The following CNTNAP2 variants were observed in gnomAD, a reference collection of about 807,000 sequenced individuals.
CNTNAP2 encodes contactin-associated protein-like 2.
Under a neutral mutation model 155.2 loss-of-function variants are expected in CNTNAP2, and 98 were observed. The ratio of observed to expected loss-of-function variants is 0.63; its 90% CI spans 0.54 to 0.75. The LOEUF is 0.75. Ranked by LOEUF, CNTNAP2 falls within the 30% of genes least tolerant of loss-of-function variation. The pLI is 0.00. For missense variants in CNTNAP2, 1,727 were observed against 1,688.1 expected (o/e 1.02, Z -0.40); for synonymous variants, 651 against 631.2 (o/e 1.03, Z -0.47).
At chr7:147,817,344 A>G (rs1798282581) in intron 13 of CNTNAP2, among the ~76,000 whole-genome samples, 1 of 152,252 alleles carries the variant, frequency 6.6e-6, no homozygotes, top group South Asian at 2.1e-4. Context: ...CCAAGACATT[A>G]TTGTTAATAT....
chr7:147,480,459 T>C (rs1345052111), intron 10 of CNTNAP2, among the ~76,000 whole-genome samples: 3 of 152,216 alleles, frequency 2.0e-5, no homozygotes, highest in Non-Finnish European at 4.4e-5. Flanking sequence ...GACCCTGAGA[T>C]TGAGAATGCT....
chr7:147,197,450 C>A (rs1272276645), intron 8 of CNTNAP2, among the ~76,000 whole-genome samples: 2 of 151,790 alleles, frequency 1.3e-5, no homozygotes, highest in Non-Finnish European at 2.9e-5. Context: ...CGCCAAGAAC[C>A]TGTACATCCT....
chr7:147,518,702 G>A (rs543628133), intron 11 of CNTNAP2, among the ~76,000 whole-genome samples: 41 of 152,116 alleles, frequency 2.7e-4, no homozygotes, highest in African/African-American at 9.2e-4. Context: ...TTGCTATCAC[G>A]CCCCTCACTG....
At chr7:147,274,009 A>G (rs1190142180) in intron 8 of CNTNAP2, among the ~76,000 whole-genome samples, 1 of 150,084 alleles carries the variant, frequency 6.7e-6, no homozygotes, top group African/African-American at 2.4e-5. Flanking sequence ...CATATTACAT[A>G]TATACACACA....
At chr7:147,801,992 G>A (rs570395977) in intron 13 of CNTNAP2, among the ~76,000 whole-genome samples, 4,583 of 150,690 alleles carry the variant, frequency 0.03, 114 homozygotes, top group Non-Finnish European at 0.048. Context: ...GGTGGCTGCC[G>A]GGCGGAGACG....
chr7:146,681,519 GA>G (rs1173288018), intron 1 of CNTNAP2, among the ~76,000 whole-genome samples: 1 of 79,254 alleles, frequency 1.3e-5, no homozygotes, highest in African/African-American at 5.3e-5. Context: ...GGGAGGGTGG[GA>G]GGGGTGGGAG....
chr7:147,133,084 T>A (rs1801408843), intron 8 of CNTNAP2, among the ~76,000 whole-genome samples: 1 of 152,132 alleles, frequency 6.6e-6, no homozygotes, highest in African/African-American at 2.4e-5. Flanking sequence ...AGGATAATTT[T>A]AAATTTGGCT....
At chr7:146,631,790 C>T (rs1196099324) in intron 1 of CNTNAP2, among the ~76,000 whole-genome samples, 1 of 152,102 alleles carries the variant, frequency 6.6e-6, no homozygotes, top group African/African-American at 2.4e-5. Flanking sequence ...TTAAGAATCT[C>T]TCACTTACAT....
chr7:146,395,779 T>TAGATGTTAGAGA (rs11462122), intron 1 of CNTNAP2, among the ~76,000 whole-genome samples: 1 of 122,024 alleles, frequency 8.2e-6, no homozygotes, highest in African/African-American at 3.6e-5. Context: ...GATAGACAGA[T>TAGATGTTAGAGA]GATAGATAGA....
chr7:146,671,009 T>C (rs948115986), intron 1 of CNTNAP2, among the ~76,000 whole-genome samples: 4 of 152,182 alleles, frequency 2.6e-5, no homozygotes, highest in African/African-American at 4.8e-5. Context: ...ACTCCCAGTT[T>C]ATAAACACAA....
At chr7:147,519,431 C>T (rs1039164556) in intron 11 of CNTNAP2, among the ~76,000 whole-genome samples, 2 of 152,204 alleles carry the variant, frequency 1.3e-5, no homozygotes, top group African/African-American at 2.4e-5. Context: ...AGATCCTTAA[C>T]CTAATCACAT....
rs908163037 is a variant in CNTNAP2 at position 146,627,198 on chromosome 7, A to T, written c.98-147073A>T. On this transcript the variant is annotated intron_variant, in intron 1 of 23. Transcript: ENST00000361727. ...GTGAGACTCATTCACTCTCATGAGA[A>T]CAGTACAGGAGAGACCAGCCCCATA... 3.3e-5 allele frequency among the ~76,000 whole-genome samples: 5 copies of T among 152,100 alleles called. No individual in the cohort carries two copies. The South Asian group carries it at 1.0e-3, about 32-fold the overall frequency.
At chr7:146,151,654 A>ATG (rs1798044233) in intron 1 of CNTNAP2, among the ~76,000 whole-genome samples, 1 of 32,320 alleles carries the variant, frequency 3.1e-5, no homozygotes, top group African/African-American at 1.1e-4. Flanking sequence ...ATATATATAT[A>ATG]TATATATATA....
chr7:146,714,264 G>A (rs1315423355), intron 1 of CNTNAP2, among the ~76,000 whole-genome samples: 1 of 152,158 alleles, frequency 6.6e-6, no homozygotes, highest in Non-Finnish European at 1.5e-5. Context: ...TAGACTCTGA[G>A]AATCACTGTT....
At position 148,411,975 on chromosome 7, in the gene CNTNAP2, T is replaced by A. The variant is rs561644838; in HGVS notation, c.3796+2504T>A. Among the ~76,000 whole-genome samples, 8 of 152,122 alleles carry A rather than the reference T, an allele frequency of 5.3e-5. No homozygotes were observed. In the South Asian group the frequency reaches 1.7e-3, roughly 32 times the overall value. Reference sequence around the variant, plus strand: ...TCTTTTTTTGTTGAGATGGGAGTCTTGCTTTGTTGCCAGGCTGGAGTACAG... The same window carrying A: ...TCTTTTTTTGTTGAGATGGGAGTCTAGCTTTGTTGCCAGGCTGGAGTACAG... On this transcript the variant is annotated intron_variant, in intron 23 of 23. Transcript: ENST00000361727.
At chr7:147,561,099 C>T (rs1295532384) in intron 11 of CNTNAP2, among the ~76,000 whole-genome samples, 2 of 151,972 alleles carry the variant, frequency 1.3e-5, no homozygotes, top group African/African-American at 4.8e-5. Context: ...TTGAGACCCT[C>T]CTCAGTGAAA....
At chr7:147,444,194 G>A (rs780873092) in intron 10 of CNTNAP2, among the ~76,000 whole-genome samples, 7 of 152,278 alleles carry the variant, frequency 4.6e-5, no homozygotes, top group South Asian at 2.1e-4. Context: ...TAGGAACATG[G>A]TTAGGAAAAC....
At chr7:147,805,107 TG>T (rs1347642638) in intron 13 of CNTNAP2, among the ~76,000 whole-genome samples, 3 of 151,994 alleles carry the variant, frequency 2.0e-5, no homozygotes, top group Admixed American at 2.0e-4. Flanking sequence ...GCCTGAGTTT[TG>T]TTGCCCAGGC....
chr7:146,863,509 C>T (rs1304520733), intron 3 of CNTNAP2, among the ~76,000 whole-genome samples: 2 of 151,904 alleles, frequency 1.3e-5, no homozygotes, highest in African/African-American at 4.8e-5. Context: ...ATGAGAATAG[C>T]CTTGATTCAA....
Sources: gnomAD v4.1 joint callset for allele counts (sites outside exome capture counted in the v4.1 genomes callset) on GRCh38, gnomAD v4.1.1 for gene constraint, MANE v1.5 for transcripts, NCBI Gene and HGNC (gene_info 2026-07-23, HGNC 2026-07-21) for gene names.